HS2ST1: variants seen among roughly 807,000 people sequenced by gnomAD.
HS2ST1 encodes 2-O-sulfotransferase.
Under a neutral mutation model 42.9 loss-of-function variants are expected in HS2ST1, and 18 were observed. The ratio of observed to expected loss-of-function variants is 0.42; its 90% CI spans 0.29 to 0.62. HS2ST1 has a LOEUF of 0.62. Among genes scored for constraint, HS2ST1 ranks in the 20% least tolerant of loss-of-function variants. The pLI is 0.21. For synonymous variants in HS2ST1, 146 were observed against 152.9 expected (o/e 0.95, Z 0.33); for missense variants, 334 against 433.8 (o/e 0.77, Z 2.04).
intron 1 of HS2ST1, among the ~76,000 whole-genome samples, chr1:87,069,065 A>G (rs1651333722): frequency 6.6e-6 from 1 of 152,196 alleles, no homozygotes; most frequent in African/African-American, 2.4e-5. Context: ...CTTCATCCTC[A>G]TCATCTTCAC....
At chr1:87,058,983 C>A (rs950232280) in intron 1 of HS2ST1, among the ~76,000 whole-genome samples, 1 of 151,708 alleles carries the variant, frequency 6.6e-6, no homozygotes, top group Non-Finnish European at 1.5e-5. Context: ...GGCGTGAACC[C>A]AGGAGGCAGA....
At chr1:87,019,496 CT>C (rs1461001247) in intron 1 of HS2ST1, among the ~76,000 whole-genome samples, 1 of 152,104 alleles carries the variant, frequency 6.6e-6, no homozygotes, top group Non-Finnish European at 1.5e-5. Flanking sequence ...TTAATATTTA[CT>C]TTTTTCCCCA....
At chr1:86,986,081 C>T (rs1648777694) in intron 1 of HS2ST1, among the ~76,000 whole-genome samples, 1 of 147,966 alleles carries the variant, frequency 6.8e-6, no homozygotes, top group Non-Finnish European at 1.5e-5. Flanking sequence ...TCCAGAACAG[C>T]CCCAATTTGT....
chr1:86,981,374 CAA>C, intron 1 of HS2ST1, among the ~76,000 whole-genome samples: 2 of 152,302 alleles, frequency 1.3e-5, no homozygotes, highest in South Asian at 4.1e-4. Flanking sequence ...AACAGTACCC[CAA>C]AGTCTTAACT....
chr1:87,028,706 A>C (rs1376602612), intron 1 of HS2ST1, among the ~76,000 whole-genome samples: 3 of 152,250 alleles, frequency 2.0e-5, no homozygotes, highest in South Asian at 4.1e-4. Context: ...TTGGGAGAAT[A>C]GCAACATATT....
chr1:86,959,887 C>A (rs1647783102), intron 1 of HS2ST1, among the ~76,000 whole-genome samples: 1 of 152,104 alleles, frequency 6.6e-6, no homozygotes. Flanking sequence ...TCTATAGATT[C>A]AGTGTAATTT....
At chr1:86,949,062 C>G (rs1437117558) in intron 1 of HS2ST1, among the ~76,000 whole-genome samples, 1 of 152,060 alleles carries the variant, frequency 6.6e-6, no homozygotes, top group African/African-American at 2.4e-5. Context: ...CATGTATTTG[C>G]ATTTAGGTAG....
intron 1 of HS2ST1, among the ~76,000 whole-genome samples, chr1:86,996,162 G>A (rs1444374024): frequency 2.0e-5 from 3 of 152,100 alleles, no homozygotes; most frequent in African/African-American, 7.2e-5. Flanking sequence ...AGTACCAAAG[G>A]CCAGGTACAG....
At chr1:86,937,037 G>A (rs1660670753) in intron 1 of HS2ST1, among the ~76,000 whole-genome samples, 1 of 151,890 alleles carries the variant, frequency 6.6e-6, no homozygotes, top group African/African-American at 2.4e-5. Context: ...CCCGGGAGGT[G>A]GAGGTTGCAG....
Position 87,106,737 on chromosome 1 carries a change from G to A in HS2ST1, c.*2041G>A, listed in dbSNP as rs1223340763. 2 of 151,832 alleles carry A rather than the reference G, an allele frequency of 1.3e-5. No homozygotes were observed. Among genetic ancestry groups the A allele is most frequent in the African/African-American group, 4.8e-5 (2 of 41,344 alleles). 9.4% of individuals were successfully genotyped at this position (151,832 alleles called of 1,614,324 possible). On this transcript the variant is annotated 3_prime_UTR_variant, in exon 7 of 7. Coordinates refer to ENST00000370550, the MANE Select transcript of HS2ST1 (RefSeq NM_012262.4). Reference sequence around the variant, plus strand: ...TGACTTTTATAGGTATTTCCTGAAAGTGTATACAAATTATTTCCTCGCCCA... The same window carrying A: ...TGACTTTTATAGGTATTTCCTGAAAATGTATACAAATTATTTCCTCGCCCA...
chr1:87,014,854 C>T lies in HS2ST1; in HGVS notation c.125-58080C>T, dbSNP rs565093621. On this transcript the variant is annotated intron_variant, in intron 1 of 6. Coordinates refer to ENST00000370550, the MANE Select transcript of HS2ST1 (RefSeq NM_012262.4). ...ATTTTAAAACATTTATCTTATCCTC[C>T]TCACTTTTCCTTTAAAAACTATTGT... 2.1e-3 allele frequency among the ~76,000 whole-genome samples: 317 copies of T among 152,300 alleles called. 1 individual carries two copies. Among genetic ancestry groups the T allele is most frequent in the Non-Finnish European group, 3.5e-3 (238 of 68,022 alleles).
intron 1 of HS2ST1, among the ~76,000 whole-genome samples, chr1:87,025,263 A>G (rs1557519649): frequency 6.6e-6 from 1 of 152,218 alleles, no homozygotes. Context: ...TGCTACCTGT[A>G]AAGAATTAGT....
intron 1 of HS2ST1, chr1:86,932,389 T>C (rs1660563122): frequency 6.6e-6 from 1 of 152,132 alleles, no homozygotes; most frequent in African/African-American, 2.4e-5. Context: ...CTCCTGGTTG[T>C]TCATGATATA....
In HS2ST1 at chr1:87,000,858, G is replaced by T. The variant is rs142517269; in HGVS notation, c.125-72076G>T. 3.9e-3 allele frequency among the ~76,000 whole-genome samples: 592 copies of T among 152,280 alleles called. 4 individuals are homozygous for T. Among genetic ancestry groups the T allele is most frequent in the Middle Eastern group, 0.021 (6 of 292 alleles). ...TATAACTACTGAAACAATTTTACCA[G>T]TTCTACCCTCAGTTTCTGTTGAGGA... is the stretch of plus-strand genomic sequence containing the variant. On this transcript the variant is annotated intron_variant, in intron 1 of 6. Transcript: ENST00000370550.
intron 1 of HS2ST1, among the ~76,000 whole-genome samples, chr1:86,997,672 C>T (rs543229192): frequency 5.9e-5 from 9 of 151,986 alleles, no homozygotes; most frequent in Non-Finnish European, 1.2e-4. Flanking sequence ...TGTTCTAAGA[C>T]CCCCCAGTAG....
At chr1:87,086,655 T>C (rs1038552510) in intron 3 of HS2ST1, among the ~76,000 whole-genome samples, 4 of 152,182 alleles carry the variant, frequency 2.6e-5, no homozygotes, top group African/African-American at 7.2e-5. Context: ...AAATACACAT[T>C]ATATTTGCAA....
chr1:87,023,322 A>G (rs1430068210), intron 1 of HS2ST1, among the ~76,000 whole-genome samples: 1 of 152,128 alleles, frequency 6.6e-6, no homozygotes, highest in Non-Finnish European at 1.5e-5. Flanking sequence ...TTTTTGTCAT[A>G]AAAAAAGATC....
intron 1 of HS2ST1, among the ~76,000 whole-genome samples, chr1:86,963,754 C>A (rs975252533): frequency 1.4e-5 from 2 of 140,832 alleles, no homozygotes; most frequent in Non-Finnish European, 3.1e-5. Context: ...GCCCCCCCCC[C>A]CACCTCCCGG....
intron 4 of HS2ST1, among the ~76,000 whole-genome samples, chr1:87,095,266 G>A (rs1452176133): frequency 6.6e-6 from 1 of 152,126 alleles, no homozygotes; most frequent in Non-Finnish European, 1.5e-5. Context: ...GAAATACCTT[G>A]TAATGGCGCT....
Sources: allele counts gnomAD v4.1 joint callset (sites outside exome capture counted in the v4.1 genomes callset), GRCh38; gene constraint gnomAD v4.1.1; transcripts MANE v1.5; gene names NCBI Gene and HGNC (gene_info 2026-07-23, HGNC 2026-07-21).